Variants in COL24A1 observed in about 807,000 individuals in gnomAD.
The protein encoded by COL24A1 is collagen type XXIV alpha 1 chain, also known as collagen alpha-1(XXIV) chain.
In COL24A1, 224 loss-of-function variants were observed where a neutral mutation model predicts 253.9. The observed-to-expected ratio is 0.88, with a 90% CI of 0.79 to 0.99. The LOEUF (loss-of-function observed/expected upper bound fraction) is 0.99. Among genes scored for constraint, COL24A1 ranks in the 50% least tolerant of loss-of-function variants. The pLI is 0.00. For missense variants in COL24A1, 2,131 were observed against 2,068.5 expected (o/e 1.03, Z -0.59); for synonymous variants, 685 against 673.7 (o/e 1.02, Z -0.26).
intron 24 of COL24A1, among the ~76,000 whole-genome samples, chr1:85,946,875 C>T (rs1396100918): frequency 6.6e-6 from 1 of 152,154 alleles, no homozygotes; most frequent in Non-Finnish European, 1.5e-5. Flanking sequence ...AAATTCTTAA[C>T]TGTTCTGTGT....
intron 51 of COL24A1, 49 bp from the exon 52 acceptor site, chr1:85,781,322 A>G: frequency 7.5e-7 from 1 of 1,326,124 alleles, no homozygotes. Context: ...AATTAAAAAA[A>G]AAAAAACTCC....
chr1:86,031,274 G>A (rs1004110357), intron 14 of COL24A1, among the ~76,000 whole-genome samples: 2 of 151,912 alleles, frequency 1.3e-5, no homozygotes, highest in Non-Finnish European at 2.9e-5. Flanking sequence ...GTTATAAAAG[G>A]TATGATAAAT....
chr1:85,792,252 G>A (rs1468242390), intron 47 of COL24A1, among the ~76,000 whole-genome samples: 1 of 151,532 alleles, frequency 6.6e-6, no homozygotes, highest in East Asian at 1.9e-4. Flanking sequence ...TATTAAATTG[G>A]GTTATTCAAT....
intron 19 of COL24A1, among the ~76,000 whole-genome samples, chr1:86,005,389 G>C (rs1173332952): frequency 1.3e-5 from 2 of 151,402 alleles, no homozygotes; most frequent in Non-Finnish European, 2.9e-5. Context: ...AAAAGTCTCT[G>C]ATCACCATGC....
intron 40 of COL24A1, 78 bp from the exon 41 acceptor site, chr1:85,842,199 G>T: frequency 6.8e-7 from 1 of 1,463,380 alleles, no homozygotes; most frequent in East Asian, 2.3e-5. Flanking sequence ...GGAAAAATAG[G>T]ATTCACTGTC....
chr1:85,960,181 ATTAT>A (rs1258415819), intron 24 of COL24A1, among the ~76,000 whole-genome samples: 1 of 152,064 alleles, frequency 6.6e-6, no homozygotes, highest in Non-Finnish European at 1.5e-5. Context: ...TTTATAATTA[ATTAT>A]TTAAGCCTAT....
chr1:85,779,736 C>T (rs1208473542), intron 52 of COL24A1, among the ~76,000 whole-genome samples: 4 of 152,158 alleles, frequency 2.6e-5, no homozygotes, highest in African/African-American at 7.2e-5. Flanking sequence ...TTACACCGAT[C>T]TGTTTATTTC....
chr1:85,985,351 G>C (rs934145219), intron 20 of COL24A1, among the ~76,000 whole-genome samples: 3 of 151,742 alleles, frequency 2.0e-5, no homozygotes, highest in Non-Finnish European at 4.4e-5. Flanking sequence ...TTTGGCTGAA[G>C]TGATGCTTTT....
chr1:85,889,490 G>T, intron 32 of COL24A1, 70 bp downstream of exon 32: 4 of 1,305,818 alleles, frequency 3.1e-6, no homozygotes, highest in South Asian at 2.4e-5. Context: ...CAGCACAGCA[G>T]AGCAATAATG....
chr1:86,037,600 C>T (rs1388710114), intron 12 of COL24A1, among the ~76,000 whole-genome samples: 1 of 152,110 alleles, frequency 6.6e-6, no homozygotes, highest in African/African-American at 2.4e-5. Flanking sequence ...ATGAACTTTA[C>T]CCCAGTCAAG....
chr1:85,876,104 A>T (rs1445111008), intron 33 of COL24A1, among the ~76,000 whole-genome samples: 2 of 152,168 alleles, frequency 1.3e-5, no homozygotes, highest in African/African-American at 4.8e-5. Context: ...CTCTTGAAAC[A>T]TTTAAAGGAA....
intron 12 of COL24A1, among the ~76,000 whole-genome samples, chr1:86,037,059 T>C (rs1699088710): frequency 6.6e-6 from 1 of 152,216 alleles, no homozygotes; most frequent in Non-Finnish European, 1.5e-5. Flanking sequence ...CTGTGTTGTA[T>C]ATAGTTCTCT....
At chr1:86,014,639 A>T (rs1024901315) in intron 19 of COL24A1, among the ~76,000 whole-genome samples, 8 of 151,374 alleles carry the variant, frequency 5.3e-5, no homozygotes, top group Non-Finnish European at 8.8e-5. Flanking sequence ...CTATTTTTGG[A>T]ATGATGATCC....
At chr1:86,080,828 T>C (rs1702583257) in intron 7 of COL24A1, among the ~76,000 whole-genome samples, 1 of 152,018 alleles carries the variant, frequency 6.6e-6, no homozygotes, top group African/African-American at 2.4e-5. Context: ...AATATATAAA[T>C]AAAATGTTTA....
At chr1:85,858,725 T>C (rs1678794123) in intron 37 of COL24A1, among the ~76,000 whole-genome samples, 1 of 150,888 alleles carries the variant, frequency 6.6e-6, no homozygotes, top group Admixed American at 6.6e-5. Flanking sequence ...CCTTCTTTCC[T>C]TCTTTCCCTT....
At chr1:86,149,248 G>T (rs1652387804) in intron 1 of COL24A1, among the ~76,000 whole-genome samples, 1 of 152,172 alleles carries the variant, frequency 6.6e-6, no homozygotes, top group East Asian at 1.9e-4. Flanking sequence ...TTGCCCCACA[G>T]AGATTCTGAT....
chr1:85,852,541 T>C (rs1394716443), intron 37 of COL24A1, among the ~76,000 whole-genome samples: 1 of 152,138 alleles, frequency 6.6e-6, no homozygotes, highest in Admixed American at 6.6e-5. Flanking sequence ...TGAAATTGTA[T>C]TAAGTGTATT....
At chr1:85,886,463 A>G (rs1472299356) in intron 32 of COL24A1, among the ~76,000 whole-genome samples, 1 of 151,690 alleles carries the variant, frequency 6.6e-6, no homozygotes, top group Non-Finnish European at 1.5e-5. Flanking sequence ...CAGGAGATCA[A>G]GACCATCCTG....
chr1:85,826,704 A>C (rs966428925), intron 43 of COL24A1, among the ~76,000 whole-genome samples: 8 of 151,546 alleles, frequency 5.3e-5, no homozygotes, highest in African/African-American at 1.9e-4. Flanking sequence ...ATGGGAGTCC[A>C]CTCATGATTT....
Sources: gnomAD v4.1 joint callset for allele counts (sites outside exome capture counted in the v4.1 genomes callset) on GRCh38, gnomAD v4.1.1 for gene constraint, MANE v1.5 for transcripts, NCBI Gene and HGNC (gene_info 2026-07-23, HGNC 2026-07-21) for gene names.